The following MAPK3 variants were observed in gnomAD, a reference collection of about 807,000 sequenced individuals.
The protein encoded by MAPK3 is mitogen-activated protein kinase 3.
In MAPK3, 30 loss-of-function variants were observed where a neutral mutation model predicts 41.8. The observed-to-expected ratio is 0.72, with a 90% CI of 0.54 to 0.97. The LOEUF (loss-of-function observed/expected upper bound fraction) is 0.97, where lower values mean the gene tolerates loss of function less well. Ranked by LOEUF, MAPK3 falls within the 50% of genes least tolerant of loss-of-function variation. The pLI is 0.00. For missense variants in MAPK3, 413 were observed against 509.9 expected (o/e 0.81, Z 1.83); for synonymous variants, 222 against 213.4 (o/e 1.04, Z -0.35).
At chr16:30,116,829 G>A (rs1357130827) in intron 7 of MAPK3, 39 bp from the exon 8 acceptor site, 1 of 1,613,432 alleles carries the variant, frequency 6.2e-7, no homozygotes, top group Non-Finnish European at 8.5e-7. Context: ...GCCTGGCATG[G>A]GGGATGCCTA....
intron 2 of MAPK3, among the ~76,000 whole-genome samples, chr16:30,119,989 C>T (rs1166759391): frequency 6.6e-6 from 1 of 152,004 alleles, no homozygotes; most frequent in African/African-American, 2.4e-5. Context: ...GTGAACAGGG[C>T]GAAACCCCGC....
chr16:30,123,151 A>ACCCCCTCGGTTCTACGGGGCT lies in MAPK3; in HGVS notation c.38_58dup (p.Glu13_Gly19dup). 1.3e-6 allele frequency: 2 copies of ACCCCCTCGGTTCTACGGGGCT among 1,490,370 alleles called. No homozygotes were observed. Among genetic ancestry groups the ACCCCCTCGGTTCTACGGGGCT allele is most frequent in the South Asian group, 2.5e-5 (2 of 78,850 alleles). 92.3% of individuals were successfully genotyped at this position (1,490,370 alleles called of 1,614,324 possible). A position where few individuals can be genotyped will look rare whatever the true frequency, so the allele number is the denominator to read the frequency against. ...CACCTCCCCCGGGACCCCCGGGCCG[A>ACCCCCTCGGTTCTACGGGGCT]CCCCCTCGGTTCTACGGGGCTCCCC... On this transcript the variant is annotated inframe_insertion, in exon 1 of 9. Transcript: ENST00000263025.
intron 2 of MAPK3, among the ~76,000 whole-genome samples, chr16:30,121,110 T>C (rs1317143585): frequency 6.6e-6 from 1 of 151,950 alleles, no homozygotes; most frequent in Non-Finnish European, 1.5e-5. Context: ...GGCAGTTTTT[T>C]GTTTTTGTTT....
In MAPK3 at chr16:30,116,929, G is replaced by A. The variant is rs1167791407; in HGVS notation, c.982C>T (p.Pro328Ser). 1 of 1,613,770 alleles carries A rather than the reference G, an allele frequency of 6.2e-7. No individual in the cohort carries two copies. Among genetic ancestry groups the A allele is most frequent in the African/African-American group, 1.3e-5 (1 of 74,870 alleles). Residue 328 changes from proline (P) to serine (S), a missense_variant, in exon 7 of 9, where the codon CCC becomes TCC. This residue lies in a region of MAPK3 where 123 missense variants were observed against 147.8 expected (regional missense o/e 0.83). Transcript: ENST00000263025. ...RITVEEALAH[P>S]YLEQYYDPTD... ...GGGTCATAGTACTGCTCCAGGTAGG[G>A]GTGAGCCAGCGCTTCCTCCACTGTG...
chr16:30,117,945 G>A (rs2072975015), intron 4 of MAPK3, 102 bp downstream of exon 4: 10 of 1,191,896 alleles, frequency 8.4e-6, no homozygotes, highest in African/African-American at 3.0e-5. Context: ...GGCCCAGAGG[G>A]TAGAATTCCT....
In MAPK3 at chr16:30,116,920, C is replaced by G. The variant is rs202207118; in HGVS notation, c.991G>C (p.Glu331Gln). The change falls in exon 7 of 9, where the codon GAG becomes CAG. Residue 331 changes from glutamate to glutamine, a missense_variant. Glu to Gln is a conservative substitution (Grantham distance 29). Transcript: ENST00000263025. The stretch of plus-strand genomic sequence containing the variant: ...TCATCCGTCGGGTCATAGTACTGCT[C>G]CAGGTAGGGGTGAGCCAGCGCTTCC... ...VEEALAHPYL[E>Q]QYYDPTDEPV... The G allele has an allele frequency of 1.9e-4, 313 of 1,613,800 alleles. No individual in the cohort carries two copies. The highest frequency in any genetic ancestry group is 2.6e-4 in the Non-Finnish European group (308 of 1,179,940).
chr16:30,118,340 C>T lies in MAPK3; in HGVS notation c.543+9G>A. ...GGGGGAGGAGGGGACAGGTGCCCAA[C>T]CCTCTGACCTTAAGGTCGCAGGTGG... On this transcript the variant is annotated intron_variant, in intron 3 of 8. Transcript: ENST00000263025. 1 of 1,608,498 alleles carries T rather than the reference C, an allele frequency of 6.2e-7. No individual in the cohort carries two copies.
chr16:30,121,389 C>T (rs1337544731), intron 2 of MAPK3, among the ~76,000 whole-genome samples: 2 of 152,214 alleles, frequency 1.3e-5, no homozygotes, highest in Non-Finnish European at 1.5e-5. Flanking sequence ...GGATTACAGG[C>T]GTGAGCCACC....
chr16:30,122,049 G>T (rs762308393), intron 1 of MAPK3, 43 bp from the exon 2 acceptor site: 3 of 1,605,298 alleles, frequency 1.9e-6, no homozygotes, highest in Admixed American at 1.7e-5. Context: ...CCTTACAAAG[G>T]GGGAGTCCGG....
rs767201738 is a variant in MAPK3 at position 30,121,787 on chromosome 16, C to T, written c.353+37G>A. 4.3e-5 allele frequency: 69 copies of T among 1,598,624 alleles called. 1 individual carries two copies. The South Asian group carries it at 7.0e-4, about 16-fold the overall frequency. ...CGGGTCCCCAGCCCAGCTGCGAGGC[C>T]GTGCCTGACCAGCCGACTGGCCAAG... On this transcript the variant is annotated intron_variant, in intron 2 of 8. Coordinates refer to ENST00000263025, the MANE Select transcript of MAPK3 (RefSeq NM_002746.3).
At position 30,118,107 on chromosome 16, in the gene MAPK3, G is replaced by A; in HGVS notation, c.600C>T (p.Phe200=). 6.2e-7 allele frequency: 1 copy of A among 1,614,156 alleles called. No homozygotes were observed. Reference sequence around the variant, plus strand: ...AGCGCGTAGCCACATACTCCGTCAGGAAGCCGGTGTGGTCATGCTCAGGAT... The same window carrying A: ...AGCGCGTAGCCACATACTCCGTCAGAAAGCCGGTGTGGTCATGCTCAGGAT... The part of the protein sequence containing the change: ...IADPEHDHTG[F]LTEYVATRWY... The change falls in exon 4 of 9, where the codon TTC becomes TTT. Residue 200 remains phenylalanine (F), a synonymous_variant. Coordinates refer to ENST00000263025, the MANE Select transcript of MAPK3 (RefSeq NM_002746.3).
At chr16:30,117,862 C>A in intron 4 of MAPK3, 78 bp from the exon 5 acceptor site, 2 of 1,232,164 alleles carry the variant, frequency 1.6e-6, no homozygotes, top group Non-Finnish European at 1.2e-6. Context: ...CCACCACCTC[C>A]AAGTTAGATC....
Position 30,123,154 on chromosome 16 carries a change from C to T in MAPK3, c.56G>A (p.Gly19Glu), listed in dbSNP as rs1468414653. The change falls in exon 1 of 9, where the codon GGG becomes GAG. Residue 19 changes from glycine to glutamate, a missense_variant. By Grantham distance (98) the Gly-to-Glu change is moderately conservative. Coordinates refer to ENST00000263025, the MANE Select transcript of MAPK3 (RefSeq NM_002746.3). ...GGGGEPRRTE[G>E]VGPGVPGEVE... The stretch of plus-strand genomic sequence containing the variant: ...CTCCCCCGGGACCCCCGGGCCGACC[C>T]CCTCGGTTCTACGGGGCTCCCCGCC... The T allele has an allele frequency of 2.0e-6, 3 of 1,515,666 alleles. No homozygotes were observed. The highest frequency in any genetic ancestry group is 2.7e-6 in the Non-Finnish European group (3 of 1,127,322). 93.9% of individuals were successfully genotyped at this position (1,515,666 alleles called of 1,614,324 possible).
At chr16:30,116,190 G>A (rs1307127361) in intron 8 of MAPK3, among the ~76,000 whole-genome samples, 1 of 150,536 alleles carries the variant, frequency 6.6e-6, no homozygotes, top group African/African-American at 2.5e-5. Flanking sequence ...GCATGCCTAC[G>A]TGCCCGGCTA....
In MAPK3 at chr16:30,121,847, G is replaced by A. The variant is rs1344351136; in HGVS notation, c.330C>T (p.Ser110=). 3 of 1,614,066 alleles carry A rather than the reference G, an allele frequency of 1.9e-6. No individual in the cohort carries two copies. Among genetic ancestry groups the A allele is most frequent in the Non-Finnish European group, 2.5e-6 (3 of 1,180,018 alleles). Residue 110 remains serine, a synonymous_variant, in exon 2 of 9, where the codon TCC becomes TCT. Transcript: ENST00000263025. ...ACACATCTCTCATGGCTTCCAGGGT[G>A]GACGCCCGCAGAATGTCTCGGATGC... ...VIGIRDILRA[S]TLEAMRDVYI...
In MAPK3 at chr16:30,119,636, T is replaced by C. The variant is rs182895465; in HGVS notation, c.354-1098A>G. ...TGAACACCATCTGGCATGCAATAAATGTTTGCTTAAAAATAAATGCCTGCC... is the reference window on the plus strand; with the variant it reads ...TGAACACCATCTGGCATGCAATAAACGTTTGCTTAAAAATAAATGCCTGCC... On this transcript the variant is annotated intron_variant, in intron 2 of 8. Transcript: ENST00000263025. Among the ~76,000 whole-genome samples, 216 of 152,218 alleles carry C rather than the reference T, an allele frequency of 1.4e-3. 2 individuals are homozygous for C. The highest frequency in any genetic ancestry group is 5.1e-3 in the African/African-American group (213 of 41,554).
At chr16:30,117,084 GGCT>G in intron 6 of MAPK3, 67 bp downstream of exon 6, 1 of 1,602,108 alleles carries the variant, frequency 6.2e-7, no homozygotes, top group Admixed American at 1.7e-5. Flanking sequence ...CTCCTCCAGC[GGCT>G]GCTGGGCTCA....
chr16:30,117,775 TG>T lies in MAPK3; in HGVS notation c.669del (p.Lys224SerfsTer46). The T allele has an allele frequency of 1.2e-6, 2 of 1,613,044 alleles. No individual in the cohort carries two copies. The highest frequency in any genetic ancestry group is 1.7e-6 in the Non-Finnish European group (2 of 1,179,092). ...CCCACAGACCAGATGTCGATGGACTTGGTATAGCCCTGGGGGAGAGGAGGAA... is the reference window on the plus strand; with the variant it reads ...CCCACAGACCAGATGTCGATGGACTTGTATAGCCCTGGGGGAGAGGAGGAA... ...PEIMLNSKGY[T>X]KSIDIWSVGC... is the part of the protein sequence containing the mutation. On this transcript the variant is annotated frameshift_variant, in exon 5 of 9. Transcript: ENST00000263025. LOFTEE classifies it high-confidence loss of function.
In MAPK3 at chr16:30,117,150, G is replaced by A. The variant is rs767114348; in HGVS notation, c.907+4C>T. 21 of 1,613,816 alleles carry A rather than the reference G, an allele frequency of 1.3e-5. No homozygotes were observed. The highest frequency in any genetic ancestry group is 2.2e-5 in the East Asian group (1 of 44,890). On this transcript the variant is annotated splice_donor_region_variant and intron_variant, in intron 6 of 8. Coordinates refer to ENST00000263025, the MANE Select transcript of MAPK3 (RefSeq NM_002746.3). ...TCCCACACCCACCCTCATGTCTCTCGAACCTTTGGAGTCTGACTTGGGGAA... is the reference window on the plus strand; with the variant it reads ...TCCCACACCCACCCTCATGTCTCTCAAACCTTTGGAGTCTGACTTGGGGAA...
Sources: gnomAD v4.1 joint callset for allele counts (sites outside exome capture counted in the v4.1 genomes callset) on GRCh38, gnomAD v4.1.1 for gene constraint, gnomAD v4.1.1 regional missense constraint, MANE v1.5 for transcripts, NCBI Gene and HGNC (gene_info 2026-07-23, HGNC 2026-07-21) for gene names.